The following JPH1 variants were observed in gnomAD, a reference collection of about 807,000 sequenced individuals.
The protein encoded by JPH1 is junctophilin-1.
A neutral mutation model predicts 53.6 loss-of-function variants in JPH1; 12 were observed. That is an observed-to-expected ratio of 0.22 (90% CI 0.14 to 0.36). JPH1 has a LOEUF of 0.36. Ranked by LOEUF, JPH1 falls within the 10% of genes least tolerant of loss-of-function variation. The pLI, the probability that JPH1 is intolerant of heterozygous loss-of-function variation, is 1.00. For synonymous variants in JPH1, 375 were observed against 363.8 expected (o/e 1.03, Z -0.35); for missense variants, 808 against 905.5 (o/e 0.89, Z 1.38).
rs149531542 is a variant in JPH1 at position 74,270,467 on chromosome 8, C to G, written c.1140-10964G>C. On this transcript the variant is annotated intron_variant, in intron 2 of 5. Transcript: ENST00000342232. The stretch of plus-strand genomic sequence containing the variant: ...CAATACTCAACAGATAAAATGATAG[C>G]TTATCTGAGGACACTGAGAAAATGG... Among the ~76,000 whole-genome samples, 467 of 152,218 alleles carry G rather than the reference C, an allele frequency of 3.1e-3. 4 individuals are homozygous for G. Among genetic ancestry groups the G allele is most frequent in the African/African-American group, 0.01 (430 of 41,538 alleles).
chr8:74,261,043 C>T (rs968675834), intron 2 of JPH1, among the ~76,000 whole-genome samples: 5 of 152,120 alleles, frequency 3.3e-5, no homozygotes, highest in African/African-American at 1.2e-4. Flanking sequence ...AATGGAATGA[C>T]AAAACCATAG....
chr8:74,310,009 G>A (rs1284557328), intron 2 of JPH1, among the ~76,000 whole-genome samples: 2 of 152,142 alleles, frequency 1.3e-5, no homozygotes, highest in Non-Finnish European at 2.9e-5. Flanking sequence ...CTCTAAAACA[G>A]CACTCCAGTG....
At chr8:74,252,910 G>C (rs1168369203) in intron 3 of JPH1, among the ~76,000 whole-genome samples, 20 of 151,860 alleles carry the variant, frequency 1.3e-4, no homozygotes, top group Admixed American at 5.9e-4. Context: ...TAGTGACCTA[G>C]AAAGAGACTT....
At chr8:74,311,764 TGTG>T (rs1213261667) in intron 2 of JPH1, among the ~76,000 whole-genome samples, 1 of 148,400 alleles carries the variant, frequency 6.7e-6, no homozygotes. Context: ...AGTGAGAACA[TGTG>T]GTGTTTGGTT....
At chr8:74,309,385 G>A (rs931240209) in intron 2 of JPH1, among the ~76,000 whole-genome samples, 2 of 152,168 alleles carry the variant, frequency 1.3e-5, no homozygotes, top group Non-Finnish European at 2.9e-5. Context: ...GTGGTTCTCA[G>A]TCGCGTGAGG....
At position 74,236,100 on chromosome 8, in the gene JPH1, G is replaced by A. The variant is rs1806989510; in HGVS notation, c.*951C>T. 1 of 152,120 alleles carries A rather than the reference G, an allele frequency of 6.6e-6. No individual in the cohort carries two copies. The highest frequency in any genetic ancestry group is 6.6e-5 in the Admixed American group (1 of 15,266). 9.4% of individuals were successfully genotyped at this position (152,120 alleles called of 1,614,324 possible). On this transcript the variant is annotated 3_prime_UTR_variant, in exon 6 of 6. Coordinates refer to ENST00000342232, the MANE Select transcript of JPH1 (RefSeq NM_020647.4). ...TTTCTTAGAATTCTGTTGTGTTTCA[G>A]CTTTTAAAATTTAGCACTTCCTAAG...
In JPH1 at chr8:74,315,122, A is replaced by C; in HGVS notation, c.878T>G (p.Phe293Cys). 6.2e-7 allele frequency: 1 copy of C among 1,614,198 alleles called. No homozygotes were observed. The highest frequency in any genetic ancestry group is 8.5e-7 in the Non-Finnish European group (1 of 1,180,038). Residue 293 changes from phenylalanine (F) to cysteine (C), a missense_variant, in exon 2 of 6, where the codon TTC becomes TGC. Transcript: ENST00000342232. This position sits in a 1 kb window ranked among gnomAD's most constrained non-coding sequence, Gnocchi z 6.3. The stretch of plus-strand genomic sequence containing the variant: ...GCCATTGGAGCGCTCGCTAACGCCG[A>C]AGCCGTTGCGCTTGTCGTTCTTCCA... Reference protein sequence around the residue: ...GEWKNDKRNGFGVSERSNGMK... With the variant: ...GEWKNDKRNGCGVSERSNGMK...
At chr8:74,282,135 T>C (rs1349447084) in intron 2 of JPH1, among the ~76,000 whole-genome samples, 1 of 152,150 alleles carries the variant, frequency 6.6e-6, no homozygotes, top group Non-Finnish European at 1.5e-5. Context: ...ACACCAAGGA[T>C]CAGGGAAGTT....
intron 2 of JPH1, among the ~76,000 whole-genome samples, chr8:74,296,122 A>T (rs749079152): frequency 2.0e-5 from 3 of 151,924 alleles, no homozygotes; most frequent in Non-Finnish European, 4.4e-5. Context: ...TAAATCTCCA[A>T]GGAAGAATAT....
chr8:74,237,669 T>G (rs1425380904), intron 4 of JPH1, among the ~76,000 whole-genome samples: 1 of 152,224 alleles, frequency 6.6e-6, no homozygotes, highest in Non-Finnish European at 1.5e-5. Flanking sequence ...GCAGTTCAGA[T>G]GAGGAAGAGC....
chr8:74,270,974 C>G (rs60166245), intron 2 of JPH1, among the ~76,000 whole-genome samples: 2,645 of 152,150 alleles, frequency 0.017, 72 homozygotes, highest in African/African-American at 0.06. Flanking sequence ...GCAGGGTCTG[C>G]CCTCCTGGAC....
intron 2 of JPH1, among the ~76,000 whole-genome samples, chr8:74,290,950 C>A (rs554754909): frequency 6.6e-6 from 1 of 152,190 alleles, no homozygotes; most frequent in African/African-American, 2.4e-5. Context: ...GAAACTGGAT[C>A]CCGTCCTTAC....
chr8:74,313,507 T>C (rs1808053677), intron 2 of JPH1, among the ~76,000 whole-genome samples: 1 of 151,458 alleles, frequency 6.6e-6, no homozygotes, highest in Non-Finnish European at 1.5e-5. Context: ...ATGCAAAATA[T>C]GCAACCTTAT....
Position 74,236,004 on chromosome 8 carries a change from A to T in JPH1, c.*1047T>A, listed in dbSNP as rs1015064507. Reference sequence around the variant, plus strand: ...CACCGACAAGATTTTATTTGGTTGTAAAGTACGTCAGCAAAGAAACTGAAT... The same window carrying T: ...CACCGACAAGATTTTATTTGGTTGTTAAGTACGTCAGCAAAGAAACTGAAT... On this transcript the variant is annotated 3_prime_UTR_variant, in exon 6 of 6. Coordinates refer to ENST00000342232, the MANE Select transcript of JPH1 (RefSeq NM_020647.4). The T allele has an allele frequency of 1.3e-5, 2 of 152,232 alleles. No individual in the cohort carries two copies. Among genetic ancestry groups the T allele is most frequent in the Admixed American group, 1.3e-4 (2 of 15,280 alleles). The allele number at this position is 152,232 out of a possible 1,614,324, so 9.4% of individuals were successfully genotyped here.
At chr8:74,284,071 G>T (rs1374487548) in intron 2 of JPH1, among the ~76,000 whole-genome samples, 1 of 152,120 alleles carries the variant, frequency 6.6e-6, no homozygotes, top group Non-Finnish European at 1.5e-5. Context: ...TTAACCTCAG[G>T]CCAGCTGGGG....
chr8:74,298,927 G>A (rs975536058), intron 2 of JPH1, among the ~76,000 whole-genome samples: 3 of 152,164 alleles, frequency 2.0e-5, no homozygotes, highest in East Asian at 3.8e-4. Flanking sequence ...GAGCCATTAC[G>A]AAACATCAAC....
At chr8:74,311,517 A>AT (rs11387661) in intron 2 of JPH1, among the ~76,000 whole-genome samples, 9,583 of 152,044 alleles carry the variant, frequency 0.063, 1,032 homozygotes, top group African/African-American at 0.22. Context: ...GCTTTTTAAA[A>AT]TTTTTTATTT....
At chr8:74,290,261 T>C (rs964043331) in intron 2 of JPH1, among the ~76,000 whole-genome samples, 2 of 152,206 alleles carry the variant, frequency 1.3e-5, no homozygotes, top group Non-Finnish European at 2.9e-5. Context: ...CAAAATCTCC[T>C]TAAGCTGATA....
intron 2 of JPH1, among the ~76,000 whole-genome samples, chr8:74,306,604 C>CTTTTTTTTTT (rs5892449): frequency 1.4e-5 from 2 of 147,372 alleles, no homozygotes; most frequent in Non-Finnish European, 1.5e-5. Context: ...TCTACACTAA[C>CTTTTTTTTTT]TTTTTTTTTT....
Sources: gnomAD v4.1 joint callset for allele counts (sites outside exome capture counted in the v4.1 genomes callset) on GRCh38, gnomAD v4.1.1 for gene constraint, Gnocchi (gnomAD v3.1) non-coding constraint, MANE v1.5 for transcripts, NCBI Gene and HGNC (gene_info 2026-07-23, HGNC 2026-07-21) for gene names.